Variants in LRRC1 observed in about 807,000 individuals in gnomAD.
The protein encoded by LRRC1 is leucine-rich repeat-containing protein 1.
In LRRC1, 28 loss-of-function variants were observed where a neutral mutation model predicts 69.9. That is an observed-to-expected ratio of 0.40 (90% CI 0.30 to 0.55). The LOEUF (loss-of-function observed/expected upper bound fraction) is 0.55, where lower values mean the gene tolerates loss of function less well. Ranked by LOEUF, LRRC1 falls within the 20% of genes least tolerant of loss-of-function variation. The probability of loss-of-function intolerance (pLI) is 0.47; values close to 1 mark genes in which losing one functional copy is unlikely to be tolerated. For missense variants in LRRC1, 498 were observed against 609.0 expected, an observed-to-expected ratio of 0.82 and a Z score of 1.92; for synonymous variants, 236 against 240.2, an observed-to-expected ratio of 0.98 and a Z score of 0.16.
chr6:53,847,308 AAAAG>A (rs1275482535), intron 2 of LRRC1, among the ~76,000 whole-genome samples: 16 of 152,236 alleles, frequency 1.1e-4, no homozygotes, highest in African/African-American at 3.9e-4. Flanking sequence ...AAGTCAGTTT[AAAAG>A]AATGAGGCAA....
intron 1 of LRRC1, among the ~76,000 whole-genome samples, chr6:53,811,508 C>T (rs1764792751): frequency 6.6e-6 from 1 of 152,212 alleles, no homozygotes; most frequent in Non-Finnish European, 1.5e-5. Flanking sequence ...AGGCAGGGAG[C>T]TTTCTCTCAA....
intron 1 of LRRC1, among the ~76,000 whole-genome samples, chr6:53,818,073 T>A (rs1328363761): frequency 6.6e-6 from 1 of 152,230 alleles, no homozygotes; most frequent in African/African-American, 2.4e-5. Context: ...GTGGGTTTTC[T>A]TTACATCCCT....
At chr6:53,895,380 C>G (rs1767836894) in intron 4 of LRRC1, among the ~76,000 whole-genome samples, 1 of 152,164 alleles carries the variant, frequency 6.6e-6, no homozygotes, top group Non-Finnish European at 1.5e-5. Context: ...TGTATATACA[C>G]TGTTCATTTA....
At chr6:53,814,135 T>C (rs1331353141) in intron 1 of LRRC1, among the ~76,000 whole-genome samples, 1 of 152,244 alleles carries the variant, frequency 6.6e-6, no homozygotes, top group Non-Finnish European at 1.5e-5. Context: ...TCATCTTTCA[T>C]AGGATTCAGC....
chr6:53,827,831 T>G (rs1765318043), intron 1 of LRRC1, among the ~76,000 whole-genome samples: 1 of 152,158 alleles, frequency 6.6e-6, no homozygotes, highest in African/African-American at 2.4e-5. Context: ...GTTGTGTTGC[T>G]AGTGTAAGAT....
intron 4 of LRRC1, among the ~76,000 whole-genome samples, chr6:53,893,835 G>A (rs1411781268): frequency 2.0e-5 from 3 of 152,106 alleles, no homozygotes; most frequent in Non-Finnish European, 2.9e-5. Context: ...TTTTTACTTA[G>A]CAGGATATTA....
Position 53,923,008 on chromosome 6 carries a change from T to A in LRRC1, c.*215T>A. ...TCTCCCGGTGTGATTTTTTTTTTTT[T>A]TAATTTCAGTTGTTTGTAATAAGTA... On this transcript the variant is annotated 3_prime_UTR_variant, in exon 14 of 14. Transcript: ENST00000370888. 1 of 441,312 alleles carries A rather than the reference T, an allele frequency of 2.3e-6. No homozygotes were observed. The highest frequency in any genetic ancestry group is 3.6e-5 in the Admixed American group (1 of 27,400). 27.3% of individuals were successfully genotyped at this position (441,312 alleles called of 1,614,324 possible).
intron 2 of LRRC1, among the ~76,000 whole-genome samples, chr6:53,872,261 A>T (rs12209621): frequency 0.38 from 58,295 of 151,492 alleles, 11,693 homozygotes; most frequent in East Asian, 0.67. Flanking sequence ...TCTGTTTTTT[A>T]AAAAAAATTT....
intron 2 of LRRC1, among the ~76,000 whole-genome samples, chr6:53,871,894 C>G (rs532807209): frequency 6.6e-6 from 1 of 152,294 alleles, no homozygotes; most frequent in Admixed American, 6.5e-5. Flanking sequence ...TCTCGAACTC[C>G]TGAACTCAGG....
intron 1 of LRRC1, among the ~76,000 whole-genome samples, chr6:53,805,831 ATCTT>A (rs1195076775): frequency 2.0e-5 from 3 of 152,142 alleles, no homozygotes; most frequent in Non-Finnish European, 4.4e-5. Flanking sequence ...GGTCAGAATG[ATCTT>A]TCTAAGACAC....
At chr6:53,903,548 C>T (rs980585504) in intron 9 of LRRC1, among the ~76,000 whole-genome samples, 43 of 151,574 alleles carry the variant, frequency 2.8e-4, no homozygotes, top group Non-Finnish European at 2.5e-4. Context: ...TTTTTTTTTA[C>T]TCTCTTTTCC....
At chr6:53,867,593 T>A (rs1320552780) in intron 2 of LRRC1, among the ~76,000 whole-genome samples, 1 of 152,216 alleles carries the variant, frequency 6.6e-6, no homozygotes, top group Non-Finnish European at 1.5e-5. Context: ...ATGCTTTTAT[T>A]CTTGATGTAT....
chr6:53,872,238 G>A (rs1293246977), intron 2 of LRRC1, among the ~76,000 whole-genome samples: 2 of 152,086 alleles, frequency 1.3e-5, no homozygotes, highest in Non-Finnish European at 2.9e-5. Context: ...GGCTGTAAAT[G>A]AGTGGATTTA....
rs1368268774 is a variant in LRRC1, at chr6:53,922,734, C to T, written c.1516C>T (p.Leu506=). 6.2e-7 allele frequency: 1 copy of T among 1,614,078 alleles called. No homozygotes were observed. The highest frequency in any genetic ancestry group is 8.5e-7 in the Non-Finnish European group (1 of 1,179,954). ...LRNDMNAAKG[L]DSNKNEVNHA... ...GAATGACATGAATGCTGCTAAAGGACTGGACTCAAACAAAAACGAGGTCAA... is the reference window on the plus strand; with the variant it reads ...GAATGACATGAATGCTGCTAAAGGATTGGACTCAAACAAAAACGAGGTCAA... The change falls in exon 14 of 14, where the codon CTG becomes TTG. Residue 506 remains leucine (L), a synonymous_variant. Transcript: ENST00000370888.
intron 2 of LRRC1, among the ~76,000 whole-genome samples, chr6:53,860,051 C>T (rs1766445364): frequency 6.6e-6 from 1 of 152,194 alleles, no homozygotes. Context: ...ATGACAGTGC[C>T]TATGAGAATT....
intron 2 of LRRC1, among the ~76,000 whole-genome samples, chr6:53,874,841 A>G (rs1037697972): frequency 6.6e-6 from 1 of 152,220 alleles, no homozygotes; most frequent in African/African-American, 2.4e-5. Flanking sequence ...AAAGGCCTAA[A>G]AGCTATAATC....
At chr6:53,892,047 C>T (rs1016519987) in intron 4 of LRRC1, among the ~76,000 whole-genome samples, 5 of 148,738 alleles carry the variant, frequency 3.4e-5, no homozygotes, top group Non-Finnish European at 7.5e-5. Context: ...CACACACACA[C>T]ATACACATAA....
At chr6:53,859,243 A>G (rs774547019) in intron 2 of LRRC1, among the ~76,000 whole-genome samples, 1 of 152,176 alleles carries the variant, frequency 6.6e-6, no homozygotes, top group Non-Finnish European at 1.5e-5. Context: ...TTTTACTTAG[A>G]TTTTGGATTA....
chr6:53,905,090 G>T (rs1443928517), intron 10 of LRRC1: 1 of 152,270 alleles, frequency 6.6e-6, no homozygotes, highest in Non-Finnish European at 1.5e-5. Context: ...TTTAAATTCT[G>T]GCAAGGGAGG....
Sources: gnomAD v4.1 joint callset for allele counts (sites outside exome capture counted in the v4.1 genomes callset) on GRCh38, gnomAD v4.1.1 for gene constraint, MANE v1.5 for transcripts, NCBI Gene and HGNC (gene_info 2026-07-23, HGNC 2026-07-21) for gene names.